The following PAQR4 variants were observed in gnomAD, a reference collection of about 807,000 sequenced individuals.
PAQR4 encodes the protein progestin and adipoQ receptor family member IV.
A neutral mutation model predicts 20.9 loss-of-function variants in PAQR4; 26 were observed. The observed-to-expected ratio is 1.24, with a 90% CI of 0.91 to 1.73. The LOEUF is 1.73. Ranked by LOEUF, PAQR4 falls within the 40% of genes most tolerant of loss-of-function variation. The probability of loss-of-function intolerance (pLI) is 0.00; values close to 1 mark genes in which losing one functional copy is unlikely to be tolerated. For missense variants in PAQR4, 400 were observed against 380.1 expected (o/e 1.05, Z -0.44); for synonymous variants, 193 against 171.6 (o/e 1.12, Z -0.97).
At chr16:2,970,527 A>G (rs954052444) in intron 1 of PAQR4, among the ~76,000 whole-genome samples, 1 of 152,282 alleles carries the variant, frequency 6.6e-6, no homozygotes, top group Admixed American at 6.5e-5. Flanking sequence ...ACCTCCCAGA[A>G]AGGGCTAGGC....
At position 2,973,472 on chromosome 16, in the gene PAQR4, T is replaced by G. The variant is rs111732487; in HGVS notation, c.*1524T>G. 932 of 1,499,866 alleles carry G rather than the reference T, an allele frequency of 6.2e-4. No individual in the cohort carries two copies. Among genetic ancestry groups the G allele is most frequent in the Non-Finnish European group, 7.9e-4 (884 of 1,124,288 alleles). 92.9% of individuals were successfully genotyped at this position (1,499,866 alleles called of 1,614,324 possible). A position where few individuals can be genotyped will look rare whatever the true frequency, so the allele number is the denominator to read the frequency against. The stretch of plus-strand genomic sequence containing the variant: ...TTGGAGGCAGATTTGAAATAAACTT[T>G]TAGTAAATGTAAGCCTTTCTGGAAC... On this transcript the variant is annotated 3_prime_UTR_variant, in exon 3 of 3. Transcript: ENST00000318782.
At position 2,973,159 on chromosome 16, in the gene PAQR4, G is replaced by T; in HGVS notation, c.*1211G>T. 1 of 1,540,728 alleles carries T rather than the reference G, an allele frequency of 6.5e-7. No homozygotes were observed. ...TTACCTGGGTGTGCACCTGCTCCGGGGGGTGGAGGTGCTCCCCACAGTCCG... is the reference window on the plus strand; with the variant it reads ...TTACCTGGGTGTGCACCTGCTCCGGTGGGTGGAGGTGCTCCCCACAGTCCG... On this transcript the variant is annotated 3_prime_UTR_variant, in exon 3 of 3. Coordinates refer to ENST00000318782, the MANE Select transcript of PAQR4 (RefSeq NM_152341.5).
Position 2,972,736 on chromosome 16 carries a change from C to G in PAQR4, c.*788C>G, listed in dbSNP as rs1298272620. 6.5e-7 allele frequency: 1 copy of G among 1,536,620 alleles called. No individual in the cohort carries two copies. Among genetic ancestry groups the G allele is most frequent in the African/African-American group, 1.4e-5 (1 of 73,036 alleles). Reference sequence around the variant, plus strand: ...CGCTGGGTTCTGCAGCAGGGCTCAGCCTCAGGGGCGTTAAGACCCTGGATG... The same window carrying G: ...CGCTGGGTTCTGCAGCAGGGCTCAGGCTCAGGGGCGTTAAGACCCTGGATG... On this transcript the variant is annotated 3_prime_UTR_variant, in exon 3 of 3. Transcript: ENST00000318782.
rs2071981426 is a variant in PAQR4 at position 2,971,303 on chromosome 16, C to T, written c.313C>T (p.His105Tyr). The change falls in exon 2 of 3, where the codon CAC (histidine) becomes TAC (tyrosine). Residue 105 changes from histidine to tyrosine, a missense_variant. Physicochemically the swap from His to Tyr is moderately conservative, Grantham distance 83 (BLOSUM62 2). Coordinates refer to ENST00000318782, the MANE Select transcript of PAQR4 (RefSeq NM_152341.5). Reference sequence around the variant, plus strand: ...CGTGCTCTATCACCTCTTTATGTGCCACCAAGGGGGCAGCGCTGTGTACGC... The same window carrying T: ...CGTGCTCTATCACCTCTTTATGTGCTACCAAGGGGGCAGCGCTGTGTACGC... The part of the protein sequence containing the change: ...GSVLYHLFMC[H>Y]QGGSAVYARL... 6.2e-7 allele frequency: 1 copy of T among 1,612,700 alleles called. No homozygotes were observed. The highest frequency in any genetic ancestry group is 1.7e-5 in the Admixed American group (1 of 60,014).
chr16:2,971,857 A>C lies in PAQR4; in HGVS notation c.731A>C (p.His244Pro), dbSNP rs1403303223. ...TGGGGCAACTCCCACCAGATCATGC[A>C]CCTGCTGAGCGTGGGCTCCATCCTG... ...DYWGNSHQIM[H>P]LLSVGSILQL... The change falls in exon 3 of 3, where the codon CAC (histidine) becomes CCC (proline). Residue 244 changes from histidine (H) to proline (P), a missense_variant. Coordinates refer to ENST00000318782, the MANE Select transcript of PAQR4 (RefSeq NM_152341.5). The C allele has an allele frequency of 3.1e-6, 5 of 1,612,088 alleles. No individual in the cohort carries two copies. The highest frequency in any genetic ancestry group is 3.4e-6 in the Non-Finnish European group (4 of 1,179,886).
Position 2,973,111 on chromosome 16 carries a change from C to G in PAQR4, c.*1163C>G, listed in dbSNP as rs755863227. 8.3e-6 allele frequency: 13 copies of G among 1,562,252 alleles called. No individual in the cohort carries two copies. In the South Asian group the frequency reaches 1.5e-4, roughly 18 times the overall value. On this transcript the variant is annotated 3_prime_UTR_variant, in exon 3 of 3. Transcript: ENST00000318782. ...ACTCAGGATCCAAAAGCTAGCCCTG[C>G]CCACCCCAGCCCCTGGACCTGCTTA...
chr16:2,969,945 T>A, intron 1 of PAQR4, 105 bp downstream of exon 1: 1 of 1,422,194 alleles, frequency 7.0e-7, no homozygotes, highest in Non-Finnish European at 9.5e-7. Context: ...AGTCCAGGGC[T>A]GCCCCGGCCC....
At chr16:2,970,105 G>A in intron 1 of PAQR4, 2 of 462,958 alleles carry the variant, frequency 4.3e-6, no homozygotes, top group Non-Finnish European at 7.7e-6. Context: ...CAGGGGTAGG[G>A]AGCATGGTGT....
chr16:2,972,280 A>G lies in PAQR4; in HGVS notation c.*332A>G, dbSNP rs1426882209. On this transcript the variant is annotated 3_prime_UTR_variant, in exon 3 of 3. Coordinates refer to ENST00000318782, the MANE Select transcript of PAQR4 (RefSeq NM_152341.5). Reference sequence around the variant, plus strand: ...GGTCACGTCTTGCTCTGAGAGTTCAAGTCCTGCCAGGCCGCCAGCCCAGAG... The same window carrying G: ...GGTCACGTCTTGCTCTGAGAGTTCAGGTCCTGCCAGGCCGCCAGCCCAGAG... 2 of 493,636 alleles carry G rather than the reference A, an allele frequency of 4.1e-6. No individual in the cohort carries two copies. The highest frequency in any genetic ancestry group is 7.2e-6 in the Non-Finnish European group (2 of 279,596). 30.6% of individuals were successfully genotyped at this position (493,636 alleles called of 1,614,324 possible).
In PAQR4 at chr16:2,972,539, G is replaced by A. The variant is rs549352883; in HGVS notation, c.*591G>A. On this transcript the variant is annotated 3_prime_UTR_variant, in exon 3 of 3. Coordinates refer to ENST00000318782, the MANE Select transcript of PAQR4 (RefSeq NM_152341.5). ...CTGCAGCTGCTTCTTCCAGGAAACTGACACAGGGAGCTCAGCGGCCTCAGA... is the reference window on the plus strand; with the variant it reads ...CTGCAGCTGCTTCTTCCAGGAAACTAACACAGGGAGCTCAGCGGCCTCAGA... The A allele has an allele frequency of 2.0e-4, 278 of 1,384,372 alleles. No individual in the cohort carries two copies. The highest frequency in any genetic ancestry group is 2.6e-4 in the Non-Finnish European group (268 of 1,031,494). 85.8% of individuals were successfully genotyped at this position (1,384,372 alleles called of 1,614,324 possible). A position where few individuals can be genotyped will look rare whatever the true frequency, so the allele number is the denominator to read the frequency against.
At chr16:2,970,207 G>A (rs2071944836) in intron 1 of PAQR4, 2 of 218,122 alleles carry the variant, frequency 9.2e-6, no homozygotes, top group Admixed American at 5.8e-5. Context: ...GGCCCGGGAG[G>A]AGCCTCCCAG....
rs1038186749 is a variant in PAQR4, at chr16:2,972,410, C to G, written c.*462C>G. 1.1e-5 allele frequency: 6 copies of G among 567,704 alleles called. No homozygotes were observed. The Admixed American group carries it at 1.9e-4, about 18-fold the overall frequency. 35.2% of individuals were successfully genotyped at this position (567,704 alleles called of 1,614,324 possible). A position where few individuals can be genotyped will look rare whatever the true frequency, so the allele number is the denominator to read the frequency against. On this transcript the variant is annotated 3_prime_UTR_variant, in exon 3 of 3. Coordinates refer to ENST00000318782, the MANE Select transcript of PAQR4 (RefSeq NM_152341.5). ...CCCTCCCAGCAGCCACAAGCTTGCC[C>G]GCCCTGGCTCCCTCTGCCCAGAGAC...
chr16:2,969,633 T>C lies in PAQR4; in HGVS notation c.-42T>C. The stretch of plus-strand genomic sequence containing the variant: ...GCTGCGGCCCCACTGAGGAGGAGGC[T>C]CGGGGACAGCAGGAGCACGGGCTGC... On this transcript the variant is annotated 5_prime_UTR_variant, in exon 1 of 3. Transcript: ENST00000318782. 1 of 1,455,496 alleles carries C rather than the reference T, an allele frequency of 6.9e-7. No individual in the cohort carries two copies. Among genetic ancestry groups the C allele is most frequent in the South Asian group, 1.4e-5 (1 of 71,880 alleles). 90.2% of individuals were successfully genotyped at this position (1,455,496 alleles called of 1,614,324 possible).
At chr16:2,970,430 G>C (rs2071954187) in intron 1 of PAQR4, among the ~76,000 whole-genome samples, 2 of 152,224 alleles carry the variant, frequency 1.3e-5, no homozygotes, top group Non-Finnish European at 2.9e-5. Context: ...CTTTTGCCAG[G>C]CCACATTCTC....
rs184689315 is a variant in PAQR4 at position 2,971,335 on chromosome 16, C to G, written c.345C>G (p.Leu115=). The change falls in exon 2 of 3, where the codon CTC becomes CTG. Residue 115 remains leucine, a synonymous_variant. Coordinates refer to ENST00000318782, the MANE Select transcript of PAQR4 (RefSeq NM_152341.5). ...HQGGSAVYAR[L]LALDMCGVCL... ...GGGGCAGCGCTGTGTACGCCCGGCT[C>G]CTCGCCCTGGACATGTGTGGGGTCT... 6.2e-7 allele frequency: 1 copy of G among 1,611,644 alleles called. No individual in the cohort carries two copies. Among genetic ancestry groups the G allele is most frequent in the South Asian group, 1.1e-5 (1 of 91,088 alleles).
chr16:2,971,762 G>A lies in PAQR4; in HGVS notation c.636G>A (p.Leu212=), dbSNP rs1278569715. ...CCTGCTACCTGCGCATGGACGCACT[G>A]GCGCTGCTTGGGGGACTGGTAAATG... The part of the protein sequence containing the change: ...SLPCYLRMDA[L]ALLGGLVNVA... The change falls in exon 3 of 3, where the codon CTG becomes CTA. Residue 212 remains leucine, a synonymous_variant. Coordinates refer to ENST00000318782, the MANE Select transcript of PAQR4 (RefSeq NM_152341.5). The A allele has an allele frequency of 1.2e-6, 2 of 1,613,002 alleles. No homozygotes were observed. Among genetic ancestry groups the A allele is most frequent in the Non-Finnish European group, 1.7e-6 (2 of 1,179,902 alleles).
At position 2,969,651 on chromosome 16, in the gene PAQR4, C is replaced by G; in HGVS notation, c.-24C>G. 6.7e-7 allele frequency: 1 copy of G among 1,497,930 alleles called. No homozygotes were observed. Among genetic ancestry groups the G allele is most frequent in the African/African-American group, 1.4e-5 (1 of 68,976 alleles). The allele number at this position is 1,497,930 out of a possible 1,614,324, so 92.8% of individuals were successfully genotyped here. On this transcript the variant is annotated 5_prime_UTR_variant, in exon 1 of 3. Coordinates refer to ENST00000318782, the MANE Select transcript of PAQR4 (RefSeq NM_152341.5). ...AGGAGGCTCGGGGACAGCAGGAGCA[C>G]GGGCTGCCCGCGCGGTGCGGACCAT... is the stretch of plus-strand genomic sequence containing the variant.
intron 1 of PAQR4, among the ~76,000 whole-genome samples, chr16:2,970,501 G>A (rs1326473981): frequency 6.6e-6 from 1 of 152,244 alleles, no homozygotes; most frequent in Non-Finnish European, 1.5e-5. Context: ...CTAGAGGCCG[G>A]CAGGGAGGGG....
intron 2 of PAQR4, 29 bp from the exon 3 acceptor site, chr16:2,971,486 G>T: frequency 1.3e-6 from 2 of 1,575,080 alleles, no homozygotes; most frequent in Non-Finnish European, 1.7e-6. Flanking sequence ...ACAATGACAT[G>T]CCCTCTCCTG....
Sources: gnomAD v4.1 joint callset for allele counts (sites outside exome capture counted in the v4.1 genomes callset) on GRCh38, gnomAD v4.1.1 for gene constraint, MANE v1.5 for transcripts, NCBI Gene and HGNC (gene_info 2026-07-23, HGNC 2026-07-21) for gene names.